The following MRAP2 variants were observed in gnomAD, a reference collection of about 807,000 sequenced individuals.
MRAP2 encodes melanocortin 2 receptor accessory protein 2.
Under a neutral mutation model 17.4 loss-of-function variants are expected in MRAP2, and 20 were observed. The ratio of observed to expected loss-of-function variants is 1.15; its 90% confidence interval spans 0.81 to 1.67. MRAP2 has a LOEUF of 1.67. Among genes scored for constraint, MRAP2 ranks in the 40% most tolerant of loss-of-function variants. The pLI is 0.00. For synonymous variants in MRAP2, 96 were observed against 88.4 expected (o/e 1.09, Z -0.48); for missense variants, 238 against 240.0 (o/e 0.99, Z 0.05).
At chr6:84,122,800 C>G in the MRAP2 span, among the ~76,000 whole-genome samples, 1 of 152,080 alleles carries the variant, frequency 6.6e-6, no homozygotes, top group Non-Finnish European at 1.5e-5. Flanking sequence ...ATCTGTTTTG[C>G]TGATGACACG....
chr6:84,131,841 A>G, the MRAP2 span, among the ~76,000 whole-genome samples: 2 of 152,084 alleles, frequency 1.3e-5, no homozygotes, highest in African/African-American at 4.8e-5. Context: ...GCCTATTTAC[A>G]TTTAAGGTTA....
At chr6:84,061,456 G>A (rs1392473588) in intron 2 of MRAP2, among the ~76,000 whole-genome samples, 1 of 152,174 alleles carries the variant, frequency 6.6e-6, no homozygotes, top group African/African-American at 2.4e-5. Context: ...AAAGAATTGT[G>A]ATTGTTATCC....
chr6:84,064,580 C>T (rs558184401), intron 3 of MRAP2, among the ~76,000 whole-genome samples: 36 of 152,168 alleles, frequency 2.4e-4, no homozygotes, highest in Middle Eastern at 3.4e-3. Context: ...CTCCGCCTCC[C>T]GGGTTCACGC....
At chr6:84,133,155 A>G in the MRAP2 span, among the ~76,000 whole-genome samples, 1 of 152,204 alleles carries the variant, frequency 6.6e-6, no homozygotes, top group African/African-American at 2.4e-5. Flanking sequence ...GGGTATCACC[A>G]GCAGAGGCTG....
At chr6:84,111,950 A>G in the MRAP2 span, among the ~76,000 whole-genome samples, 4 of 152,214 alleles carry the variant, frequency 2.6e-5, no homozygotes, top group Non-Finnish European at 5.9e-5. Flanking sequence ...CCCAGGGATG[A>G]AGCCAACTTG....
the MRAP2 span, among the ~76,000 whole-genome samples, chr6:84,096,129 C>T: frequency 1.5e-3 from 233 of 152,198 alleles, 3 homozygotes; most frequent in Admixed American, 0.013. Context: ...GCCTCTTTAT[C>T]CTGTATATAA....
At chr6:84,085,212 G>A (rs1251039362) in intron 3 of MRAP2, among the ~76,000 whole-genome samples, 1 of 151,866 alleles carries the variant, frequency 6.6e-6, no homozygotes, top group Non-Finnish European at 1.5e-5. Context: ...CCGCCACTGT[G>A]CCTGGCTAAG....
the MRAP2 span, among the ~76,000 whole-genome samples, chr6:84,119,903 C>T: frequency 6.6e-6 from 1 of 152,212 alleles, no homozygotes; most frequent in East Asian, 1.9e-4. Context: ...GTTCCTCTAG[C>T]ATAACTCCTG....
intron 2 of MRAP2, among the ~76,000 whole-genome samples, chr6:84,060,802 C>T (rs1339733144): frequency 6.6e-6 from 1 of 151,320 alleles, no homozygotes; most frequent in Non-Finnish European, 1.5e-5. Flanking sequence ...TCTCCTGCCT[C>T]AGCCTCCCGA....
chr6:84,041,709 G>A (rs150495268), intron 1 of MRAP2, among the ~76,000 whole-genome samples: 243 of 152,358 alleles, frequency 1.6e-3, no homozygotes, highest in African/African-American at 5.4e-3. Flanking sequence ...CTTGCATGGG[G>A]CCTGTAGCCC....
the MRAP2 span, among the ~76,000 whole-genome samples, chr6:84,128,462 T>C: frequency 6.6e-6 from 1 of 152,076 alleles, no homozygotes; most frequent in Non-Finnish European, 1.5e-5. Flanking sequence ...GTGAAATAAA[T>C]TAGTAATGAT....
chr6:84,057,719 T>C (rs1246372299), intron 2 of MRAP2, among the ~76,000 whole-genome samples: 1 of 152,222 alleles, frequency 6.6e-6, no homozygotes, highest in African/African-American at 2.4e-5. Context: ...AAATATTTCC[T>C]TGTATAGAGC....
the MRAP2 span, among the ~76,000 whole-genome samples, chr6:84,121,776 C>A: frequency 6.6e-6 from 1 of 152,026 alleles, no homozygotes; most frequent in Non-Finnish European, 1.5e-5. Flanking sequence ...ACATAACATA[C>A]CAAAACCTTT....
chr6:84,143,609 G>A, the MRAP2 span, among the ~76,000 whole-genome samples: 2 of 151,994 alleles, frequency 1.3e-5, no homozygotes, highest in African/African-American at 4.8e-5. Flanking sequence ...ATGAATGAAT[G>A]TAGAAGCTTG....
At chr6:84,083,814 TAC>T (rs1022520663) in intron 3 of MRAP2, among the ~76,000 whole-genome samples, 3 of 152,200 alleles carry the variant, frequency 2.0e-5, no homozygotes, top group African/African-American at 7.2e-5. Context: ...AAAAATATTA[TAC>T]ACACACAACA....
upstream of MRAP2, chr6:84,033,704 G>C (rs1250179470): frequency 7.1e-6 from 7 of 985,042 alleles, no homozygotes; most frequent in South Asian, 4.7e-5. Context: ...GCCCTGCTCC[G>C]GCGCCCCGCG....
intron 2 of MRAP2, chr6:84,061,904 G>A: frequency 1.0e-6 from 1 of 985,352 alleles, no homozygotes; most frequent in Non-Finnish European, 1.2e-6. Flanking sequence ...GTTTTTGTTG[G>A]AGAGCTTTTC....
intron 1 of MRAP2, among the ~76,000 whole-genome samples, chr6:84,047,107 T>TATTACC (rs1249338383): frequency 6.6e-6 from 1 of 151,988 alleles, no homozygotes; most frequent in East Asian, 1.9e-4. Context: ...TTTAGAGAGT[T>TATTACC]CTCATTACCC....
chr6:84,109,216 A>T, the MRAP2 span, among the ~76,000 whole-genome samples: 2 of 152,250 alleles, frequency 1.3e-5, no homozygotes, highest in South Asian at 4.1e-4. Flanking sequence ...AAGAATGTCA[A>T]AGGTAGTTTA....
Sources: gnomAD v4.1 joint callset for allele counts (sites outside exome capture counted in the v4.1 genomes callset) on GRCh38, gnomAD v4.1.1 for gene constraint, MANE v1.5 for transcripts, NCBI Gene and HGNC (gene_info 2026-07-23, HGNC 2026-07-21) for gene names.